PDCD11: variants seen among roughly 807,000 people sequenced by gnomAD.
The protein encoded by PDCD11 is programmed cell death 11.
PDCD11 carries 97 observed loss-of-function variants against 198.9 expected under a neutral mutation model. The observed-to-expected ratio is 0.49, with a 90% CI of 0.41 to 0.58. The LOEUF (loss-of-function observed/expected upper bound fraction) is 0.58, where lower values mean the gene tolerates loss of function less well. PDCD11 is among the 20% of genes least tolerant of loss of function. The pLI, the probability that PDCD11 is intolerant of heterozygous loss-of-function variation, is 0.00. For missense variants in PDCD11, 2,102 were observed against 2,312.7 expected (o/e 0.91, Z 1.87); for synonymous variants, 893 against 918.0 (o/e 0.97, Z 0.49).
At chr10:103,438,420 C>T (rs1042264978) in intron 26 of PDCD11, among the ~76,000 whole-genome samples, 2 of 152,168 alleles carry the variant, frequency 1.3e-5, no homozygotes, top group African/African-American at 4.8e-5. Context: ...TATGGTTAGA[C>T]ATCAATGTTA....
intron 13 of PDCD11, among the ~76,000 whole-genome samples, 197 bp from the exon 14 acceptor site, chr10:103,417,595 A>C (rs571310493): frequency 6.6e-6 from 1 of 152,368 alleles, no homozygotes; most frequent in South Asian, 2.1e-4. Context: ...AAAGTTACTT[A>C]TGTCTTCCAT....
chr10:103,424,005 C>T (rs1388097825), intron 19 of PDCD11, among the ~76,000 whole-genome samples: 1 of 152,168 alleles, frequency 6.6e-6, no homozygotes, highest in Non-Finnish European at 1.5e-5. Context: ...TTCAGTCCCG[C>T]CCAATTGTTG....
At chr10:103,419,854 A>C (rs1025588145) in intron 16 of PDCD11, 146 bp downstream of exon 16, 1 of 606,752 alleles carries the variant, frequency 1.6e-6, no homozygotes, top group South Asian at 3.0e-5. Flanking sequence ...CAGTGGTGTG[A>C]TCTCTGCTCG....
intron 19 of PDCD11, among the ~76,000 whole-genome samples, chr10:103,424,091 A>G (rs758008580): frequency 2.4e-4 from 37 of 152,192 alleles, no homozygotes; most frequent in African/African-American, 2.2e-4. Context: ...TTTTATTTGA[A>G]ATAAAAGCTG....
At chr10:103,421,994 A>AT in intron 17 of PDCD11, among the ~76,000 whole-genome samples, 1 of 144,534 alleles carries the variant, frequency 6.9e-6, no homozygotes, top group Admixed American at 6.9e-5. Flanking sequence ...AAAAAAAAAG[A>AT]AAAAAAAAAT....
intron 31 of PDCD11, 100 bp from the exon 32 acceptor site, chr10:103,442,113 T>G: frequency 1.9e-6 from 3 of 1,555,634 alleles, no homozygotes; most frequent in Non-Finnish European, 2.6e-6. Flanking sequence ...GGGGTATATA[T>G]AGAGCCCTGG....
chr10:103,401,828 C>T (rs1191399914), intron 3 of PDCD11, among the ~76,000 whole-genome samples: 1 of 151,096 alleles, frequency 6.6e-6, no homozygotes, highest in African/African-American at 2.4e-5. Flanking sequence ...CTGCAAGCTC[C>T]GCCTCCCGGG....
rs1355492987 is a variant in PDCD11, at chr10:103,443,956, G to C, written c.5166G>C (p.Arg1722=). 1.4e-5 allele frequency: 22 copies of C among 1,614,040 alleles called. No homozygotes were observed. The highest frequency in any genetic ancestry group is 5.0e-5 in the Admixed American group (3 of 60,008). The change falls in exon 34 of 36, where the codon CGG becomes CGC. Residue 1722 remains arginine (R), a synonymous_variant. Coordinates refer to ENST00000369797, the MANE Select transcript of PDCD11 (RefSeq NM_014976.2). ...ELYNRMLKRF[R]QEKAVWIKYG... ...ACAACCGGATGCTGAAGCGTTTCCG[G>C]CAGGAGAAAGCTGTGTGGATCAAAT...
In PDCD11 at chr10:103,444,504, C is replaced by G; in HGVS notation, c.5279-13C>G. 1 of 1,613,538 alleles carries G rather than the reference C, an allele frequency of 6.2e-7. No individual in the cohort carries two copies. Among genetic ancestry groups the G allele is most frequent in the Admixed American group, 1.7e-5 (1 of 60,030 alleles). Reference sequence around the variant, plus strand: ...TCTGCTTGTTGGGTCTCTGAGCAGTCCTCTCCCTGCAGATGTGGATGTCAT... The same window carrying G: ...TCTGCTTGTTGGGTCTCTGAGCAGTGCTCTCCCTGCAGATGTGGATGTCAT... On this transcript the variant is annotated splice_polypyrimidine_tract_variant and intron_variant, in intron 34 of 35. Coordinates refer to ENST00000369797, the MANE Select transcript of PDCD11 (RefSeq NM_014976.2).
At chr10:103,442,850 A>G (rs369758786) in intron 32 of PDCD11, among the ~76,000 whole-genome samples, 2 of 152,188 alleles carry the variant, frequency 1.3e-5, no homozygotes, top group Admixed American at 1.3e-4. Context: ...TCATCCTCTT[A>G]GCTTGAAGAG....
At chr10:103,433,147 A>G (rs2032004019) in intron 22 of PDCD11, among the ~76,000 whole-genome samples, 1 of 152,150 alleles carries the variant, frequency 6.6e-6, no homozygotes. Flanking sequence ...TTATGATGCC[A>G]TGTGCATAGT....
At chr10:103,398,301 C>A in intron 1 of PDCD11, 115 bp from the exon 2 acceptor site, 1 of 680,436 alleles carries the variant, frequency 1.5e-6, no homozygotes, top group East Asian at 2.6e-5. Context: ...ATGTTGTAGT[C>A]CTGAATGTTG....
chr10:103,405,735 C>G (rs1344899605), intron 5 of PDCD11, among the ~76,000 whole-genome samples: 1 of 152,208 alleles, frequency 6.6e-6, no homozygotes, highest in East Asian at 1.9e-4. Flanking sequence ...AGGCAAGAGA[C>G]TCTTCTATAT....
Position 103,404,068 on chromosome 10 carries a change from A to G in PDCD11, c.402+783A>G, listed in dbSNP as rs143361211. 6.3e-3 allele frequency among the ~76,000 whole-genome samples: 956 copies of G among 151,918 alleles called. 2 individuals carry two copies. Among genetic ancestry groups the G allele is most frequent in the Middle Eastern group, 0.017 (5 of 294 alleles). On this transcript the variant is annotated intron_variant, in intron 4 of 35. Coordinates refer to ENST00000369797, the MANE Select transcript of PDCD11 (RefSeq NM_014976.2). ...CAGTGGCATGATCTCAGCTCACTGA[A>G]ACCTCCATCTCCTGGGTTCAAGTGA...
At chr10:103,403,372 G>T in intron 4 of PDCD11, 87 bp downstream of exon 4, 1 of 1,282,082 alleles carries the variant, frequency 7.8e-7, no homozygotes. Context: ...GTGCTAAGAA[G>T]GGAAAGTACA....
At chr10:103,442,761 C>G (rs951086028) in intron 32 of PDCD11, among the ~76,000 whole-genome samples, 1 of 152,208 alleles carries the variant, frequency 6.6e-6, no homozygotes, top group Non-Finnish European at 1.5e-5. Flanking sequence ...CACTACATAC[C>G]TGGGCGAAAT....
At chr10:103,435,031 A>G in intron 25 of PDCD11, 56 bp downstream of exon 25, 1 of 1,323,204 alleles carries the variant, frequency 7.6e-7, no homozygotes, top group Non-Finnish European at 1.0e-6. Context: ...ATATTTAAAA[A>G]AAAACGTTGT....
At chr10:103,438,146 C>A in intron 26 of PDCD11, 75 bp downstream of exon 26, 1 of 1,300,510 alleles carries the variant, frequency 7.7e-7, no homozygotes, top group Non-Finnish European at 1.1e-6. Context: ...GTGTATCTGA[C>A]ACAGAATTTT....
chr10:103,410,104 G>A (rs949770206), intron 8 of PDCD11, among the ~76,000 whole-genome samples: 11 of 152,052 alleles, frequency 7.2e-5, no homozygotes, highest in Non-Finnish European at 1.5e-4. Flanking sequence ...GCGTGGTGGC[G>A]CATGCCTGTA....
Sources: allele counts gnomAD v4.1 joint callset (sites outside exome capture counted in the v4.1 genomes callset), GRCh38; gene constraint gnomAD v4.1.1; transcripts MANE v1.5; gene names NCBI Gene and HGNC (gene_info 2026-07-23, HGNC 2026-07-21).